CDK6: variants seen among roughly 807,000 people sequenced by gnomAD.
CDK6 encodes the protein cyclin dependent kinase 6.
A neutral mutation model predicts 37.1 loss-of-function variants in CDK6; 6 were observed. That is an observed-to-expected ratio of 0.16 (90% CI 0.09 to 0.32). The LOEUF is 0.32. CDK6 is among the 10% of genes least tolerant of loss of function. CDK6 has a pLI of 1.00. For synonymous variants in CDK6, 160 were observed against 161.3 expected, an observed-to-expected ratio of 0.99 and a Z score of 0.06; for missense variants, 224 against 418.9, an observed-to-expected ratio of 0.53 and a Z score of 4.06.
chr7:92,635,612 G>A (rs956506643), intron 5 of CDK6, among the ~76,000 whole-genome samples: 2 of 152,166 alleles, frequency 1.3e-5, no homozygotes, highest in African/African-American at 2.4e-5. Context: ...ACTGTTACTC[G>A]TTCCAAAGTT....
At chr7:92,761,788 C>T (rs926718507) in intron 3 of CDK6, among the ~76,000 whole-genome samples, 2 of 152,168 alleles carry the variant, frequency 1.3e-5, no homozygotes, top group Non-Finnish European at 2.9e-5. Context: ...AAAAAGAAGT[C>T]CTTTCTCTTC....
intron 3 of CDK6, among the ~76,000 whole-genome samples, chr7:92,731,411 C>T (rs1798646396): frequency 6.6e-6 from 1 of 152,192 alleles, no homozygotes; most frequent in South Asian, 2.1e-4. Context: ...AAGCCATTAA[C>T]TGGCAAGCTA....
intron 5 of CDK6, among the ~76,000 whole-genome samples, chr7:92,638,175 T>C (rs912945190): frequency 3.9e-5 from 6 of 152,230 alleles, no homozygotes; most frequent in East Asian, 1.9e-4. Flanking sequence ...TTATAAATTT[T>C]CCAAAAGATA....
chr7:92,806,276 T>C (rs1252346547), intron 2 of CDK6, among the ~76,000 whole-genome samples: 2 of 152,168 alleles, frequency 1.3e-5, no homozygotes, highest in South Asian at 4.1e-4. Flanking sequence ...TAGAAGTATG[T>C]TCCCAACTCT....
Position 92,610,001 on chromosome 7 carries a change from A to C in CDK6, c.*5139T>G, listed in dbSNP as rs1466837497. On this transcript the variant is annotated 3_prime_UTR_variant, in exon 8 of 8. Coordinates refer to ENST00000424848, the MANE Select transcript of CDK6 (RefSeq NM_001145306.2). Reference sequence around the variant, plus strand: ...AAAAAACAAGTGCTAGGAAAGAGTTAAATATGCGCAGAAAAATAAAGTTAG... The same window carrying C: ...AAAAAACAAGTGCTAGGAAAGAGTTCAATATGCGCAGAAAAATAAAGTTAG... 1 of 229,722 alleles carries C rather than the reference A, an allele frequency of 4.4e-6. No individual in the cohort carries two copies. The highest frequency in any genetic ancestry group is 8.6e-6 in the Non-Finnish European group (1 of 115,926). 14.2% of individuals were successfully genotyped at this position (229,722 alleles called of 1,614,324 possible). A position where few individuals can be genotyped will look rare whatever the true frequency, so the allele number is the denominator to read the frequency against.
chr7:92,622,984 G>T, intron 6 of CDK6, 52 bp downstream of exon 6: 1 of 1,130,692 alleles, frequency 8.8e-7, no homozygotes, highest in Non-Finnish European at 1.3e-6. Flanking sequence ...GAAAGTCACT[G>T]TAAATGTTTT....
chr7:92,747,919 T>C (rs939424678), intron 3 of CDK6, among the ~76,000 whole-genome samples: 4 of 152,230 alleles, frequency 2.6e-5, no homozygotes, highest in African/African-American at 7.2e-5. Context: ...TAAAAGGTGA[T>C]GTATTTTAAA....
chr7:92,744,213 G>A (rs1799001392), intron 3 of CDK6, among the ~76,000 whole-genome samples: 1 of 152,144 alleles, frequency 6.6e-6, no homozygotes, highest in African/African-American at 2.4e-5. Flanking sequence ...CTTACAAAGA[G>A]TAAGAGGTTT....
intron 5 of CDK6, among the ~76,000 whole-genome samples, chr7:92,661,264 C>T (rs117414699): frequency 7.4e-4 from 113 of 152,262 alleles, no homozygotes; most frequent in South Asian, 1.9e-3. Flanking sequence ...AGTTTTCTTA[C>T]CTGTCAAATA....
At chr7:92,716,044 T>C (rs970195523) in intron 4 of CDK6, among the ~76,000 whole-genome samples, 1 of 152,208 alleles carries the variant, frequency 6.6e-6, no homozygotes, top group Admixed American at 6.5e-5. Flanking sequence ...AGTGTAAATG[T>C]TACTCCCTCA....
At chr7:92,707,383 T>C (rs1797991598) in intron 4 of CDK6, among the ~76,000 whole-genome samples, 1 of 152,230 alleles carries the variant, frequency 6.6e-6, no homozygotes, top group Non-Finnish European at 1.5e-5. Flanking sequence ...CCTTTAACCA[T>C]GTACTGTGGT....
At chr7:92,664,284 G>A (rs147399884) in intron 5 of CDK6, among the ~76,000 whole-genome samples, 133 of 152,294 alleles carry the variant, frequency 8.7e-4, no homozygotes, top group African/African-American at 2.8e-3. Context: ...TTCCATGCAC[G>A]TGTTTCGACC....
chr7:92,625,191 T>G (rs747084656), intron 5 of CDK6, among the ~76,000 whole-genome samples: 32 of 151,134 alleles, frequency 2.1e-4, no homozygotes, highest in Non-Finnish European at 4.0e-4. Flanking sequence ...GCCCAGCTTA[T>G]AGCAGAGTTA....
chr7:92,718,419 C>T (rs896569607), intron 4 of CDK6, among the ~76,000 whole-genome samples: 1 of 152,074 alleles, frequency 6.6e-6, no homozygotes, highest in Admixed American at 6.6e-5. Context: ...CTGCCCAAGC[C>T]GAGGCACAAA....
chr7:92,743,263 C>T (rs1798972571), intron 3 of CDK6, among the ~76,000 whole-genome samples: 1 of 151,892 alleles, frequency 6.6e-6, no homozygotes, highest in Non-Finnish European at 1.5e-5. Flanking sequence ...GTAATCTCAG[C>T]TACTCAAGAG....
chr7:92,830,696 A>C (rs1801454916), intron 2 of CDK6, among the ~76,000 whole-genome samples: 1 of 152,356 alleles, frequency 6.6e-6, no homozygotes, highest in Non-Finnish European at 1.5e-5. Flanking sequence ...AGGCAGAGGC[A>C]GAAGAGAAGA....
intron 2 of CDK6, among the ~76,000 whole-genome samples, chr7:92,807,568 G>A (rs1341472525): frequency 6.6e-6 from 1 of 151,152 alleles, no homozygotes; most frequent in Non-Finnish European, 1.5e-5. Flanking sequence ...TATATAATAG[G>A]TATAGATATA....
intron 7 of CDK6, among the ~76,000 whole-genome samples, chr7:92,617,173 C>T (rs541564887): frequency 6.6e-6 from 1 of 152,294 alleles, no homozygotes; most frequent in South Asian, 2.1e-4. Flanking sequence ...TTCAAGTTGG[C>T]CTTAGGCATG....
chr7:92,705,242 T>C (rs1252954199), intron 4 of CDK6, among the ~76,000 whole-genome samples: 3 of 152,240 alleles, frequency 2.0e-5, no homozygotes, highest in African/African-American at 7.2e-5. Flanking sequence ...GAAAATTTCT[T>C]TACCTCATTA....
Sources: gnomAD v4.1 joint callset for allele counts (sites outside exome capture counted in the v4.1 genomes callset) on GRCh38, gnomAD v4.1.1 for gene constraint, MANE v1.5 for transcripts, NCBI Gene and HGNC (gene_info 2026-07-23, HGNC 2026-07-21) for gene names.